The following INPP5D variants were observed in gnomAD, a reference collection of about 807,000 sequenced individuals.
INPP5D encodes the protein phosphatidylinositol 3,4,5-trisphosphate 5-phosphatase 1.
A neutral mutation model predicts 122.9 loss-of-function variants in INPP5D; 33 were observed. That is an observed-to-expected ratio of 0.27 (90% CI 0.20 to 0.36). INPP5D has a LOEUF of 0.36. Ranked by LOEUF, INPP5D falls within the 10% of genes least tolerant of loss-of-function variation. INPP5D has a pLI of 1.00. For missense variants in INPP5D, 1,053 were observed against 1,412.7 expected (o/e 0.75, Z 4.08); for synonymous variants, 584 against 576.2 (o/e 1.01, Z -0.19).
At chr2:233,150,214 G>A (rs528709872) in intron 9 of INPP5D, among the ~76,000 whole-genome samples, 13 of 152,302 alleles carry the variant, frequency 8.5e-5, no homozygotes, top group East Asian at 3.9e-4. Context: ...GGGAAGGACC[G>A]GGTGGGGAGG....
rs547743929 is a variant in INPP5D, at chr2:233,202,083, G to A, written c.2976-2043G>A. On this transcript the variant is annotated intron_variant, in intron 25 of 26. Coordinates refer to ENST00000445964, the MANE Select transcript of INPP5D (RefSeq NM_001017915.3). ...CTATCTCACTGCTCTTTTCCCAGAGGAGTGAGCTTTAGAATCACAAAAGGG... is the reference window on the plus strand; with the variant it reads ...CTATCTCACTGCTCTTTTCCCAGAGAAGTGAGCTTTAGAATCACAAAAGGG... Among the ~76,000 whole-genome samples the A allele has an allele frequency of 2.0e-5, 3 of 152,096 alleles. No individual in the cohort carries two copies. In the East Asian group the frequency reaches 5.8e-4, roughly 30 times the overall value.
chr2:233,066,271 A>T (rs1691224030), intron 1 of INPP5D, among the ~76,000 whole-genome samples: 1 of 152,180 alleles, frequency 6.6e-6, no homozygotes, highest in Non-Finnish European at 1.5e-5. Context: ...AGCACCTCTC[A>T]ATCAATTGGT....
At chr2:233,158,003 AGAG>A (rs1694100528) in intron 9 of INPP5D, among the ~76,000 whole-genome samples, 2 of 152,138 alleles carry the variant, frequency 1.3e-5, no homozygotes, top group Non-Finnish European at 2.9e-5. Context: ...GGGAGGGAGA[AGAG>A]GAGGAAGAAG....
intron 20 of INPP5D, 98 bp from the exon 21 acceptor site, chr2:233,185,745 G>A (rs1694895941): frequency 8.9e-6 from 9 of 1,009,314 alleles, no homozygotes; most frequent in African/African-American, 1.7e-5. Flanking sequence ...AAAGGAGAGA[G>A]CACATCTTCC....
At chr2:233,194,936 G>T (rs1024661356) in intron 23 of INPP5D, among the ~76,000 whole-genome samples, 3 of 151,752 alleles carry the variant, frequency 2.0e-5, no homozygotes, top group African/African-American at 7.3e-5. Flanking sequence ...CGAGTAGCTG[G>T]GATTACAGGT....
chr2:233,195,331 T>C, intron 23 of INPP5D, 68 bp from the exon 24 acceptor site: 1 of 1,610,358 alleles, frequency 6.2e-7, no homozygotes, highest in Non-Finnish European at 8.5e-7. Context: ...GGAAACCCCT[T>C]TGCCATCCCT....
At chr2:233,139,263 G>C (rs1239325875) in intron 5 of INPP5D, among the ~76,000 whole-genome samples, 1 of 152,148 alleles carries the variant, frequency 6.6e-6, no homozygotes, top group East Asian at 1.9e-4. Flanking sequence ...AAGATGAGCT[G>C]GGAACAAAGA....
At position 233,146,157 on chromosome 2, in the gene INPP5D, C is replaced by G. The variant is rs1191700333; in HGVS notation, c.754-5C>G. The G allele has an allele frequency of 1.4e-6, 1 of 704,180 alleles. No homozygotes were observed. Among genetic ancestry groups the G allele is most frequent in the Non-Finnish European group, 2.6e-6 (1 of 384,990 alleles). 43.6% of individuals were successfully genotyped at this position (704,180 alleles called of 1,614,324 possible). On this transcript the variant is annotated splice_polypyrimidine_tract_variant and splice_region_variant and intron_variant, in intron 6 of 26. Coordinates refer to ENST00000445964, the MANE Select transcript of INPP5D (RefSeq NM_001017915.3). ...TGCCCTGATCCTCTTTCCCTCCTCT[C>G]CCAGGTTCCTGGTGAGGCCAATCCC... is the stretch of plus-strand genomic sequence containing the variant.
At chr2:233,131,629 G>T (rs1290432127) in intron 5 of INPP5D, among the ~76,000 whole-genome samples, 3 of 152,158 alleles carry the variant, frequency 2.0e-5, no homozygotes, top group Non-Finnish European at 4.4e-5. Context: ...GAACCTGGGA[G>T]GCTGAGGTTG....
chr2:233,075,599 ATGTG>A (rs150497378), intron 1 of INPP5D, among the ~76,000 whole-genome samples: 10 of 150,956 alleles, frequency 6.6e-5, no homozygotes, highest in South Asian at 2.1e-4. Context: ...GCACATGTAT[ATGTG>A]TGTGTGTGTG....
At chr2:233,187,303 G>C (rs755404699) in intron 21 of INPP5D, among the ~76,000 whole-genome samples, 1 of 152,192 alleles carries the variant, frequency 6.6e-6, no homozygotes, top group Non-Finnish European at 1.5e-5. Flanking sequence ...CATGCTGGGT[G>C]GGAAGTGGAG....
At chr2:233,175,147 G>A (rs1318366898) in intron 17 of INPP5D, among the ~76,000 whole-genome samples, 1 of 149,832 alleles carries the variant, frequency 6.7e-6, no homozygotes, top group Middle Eastern at 3.2e-3. Flanking sequence ...GAACCTGGGA[G>A]GTGGAGATGG....
chr2:233,191,719 T>A (rs908343459), intron 22 of INPP5D, among the ~76,000 whole-genome samples: 1 of 152,070 alleles, frequency 6.6e-6, no homozygotes, highest in Non-Finnish European at 1.5e-5. Context: ...TGGGGTGACA[T>A]CAGACCTCAG....
In INPP5D at chr2:233,169,268, T is replaced by G. The variant is rs1401506118; in HGVS notation, c.1556-37T>G. On this transcript the variant is annotated intron_variant, in intron 13 of 26. Coordinates refer to ENST00000445964, the MANE Select transcript of INPP5D (RefSeq NM_001017915.3). Reference sequence around the variant, plus strand: ...CTGGCCCCTTGGCAAGTGTGTCTGTTTGATATTTTGATTCTTCTTTCTGCT... The same window carrying G: ...CTGGCCCCTTGGCAAGTGTGTCTGTGTGATATTTTGATTCTTCTTTCTGCT... 2.6e-6 allele frequency: 4 copies of G among 1,563,708 alleles called. No individual in the cohort carries two copies. In the South Asian group the frequency reaches 3.5e-5, roughly 14 times the overall value.
rs529680647 is a variant in INPP5D, at chr2:233,170,674, C to A, written c.1900+70C>A. 4 of 1,569,842 alleles carry A rather than the reference C, an allele frequency of 2.5e-6. No individual in the cohort carries two copies. The highest frequency in any genetic ancestry group is 1.7e-5 in the Admixed American group (1 of 57,416). On this transcript the variant is annotated intron_variant, in intron 16 of 26. Transcript: ENST00000445964. The surrounding 1 kb of genome is among the most constrained non-coding windows in gnomAD (Gnocchi z 4.5). ...ATCCCAGCACTTTAGGAGGCCGAGG[C>A]GGGCGGATCACGAGATCAGGAGATG...
At chr2:233,085,426 A>C (rs1267639404) in intron 2 of INPP5D, among the ~76,000 whole-genome samples, 1 of 151,468 alleles carries the variant, frequency 6.6e-6, no homozygotes, top group Non-Finnish European at 1.5e-5. Flanking sequence ...AATAGTTCCG[A>C]GTACAAAATC....
At position 233,138,179 on chromosome 2, in the gene INPP5D, G is replaced by A. The variant is rs572181288; in HGVS notation, c.666-1663G>A. On this transcript the variant is annotated intron_variant, in intron 5 of 26. Coordinates refer to ENST00000445964, the MANE Select transcript of INPP5D (RefSeq NM_001017915.3). ...CCAGCCTGCAACATGGCGAAGCCCC[G>A]TCTCTACTAAAAATACAAAAATTAG... 3.3e-5 allele frequency among the ~76,000 whole-genome samples: 5 copies of A among 150,144 alleles called. No individual in the cohort carries two copies. In the South Asian group the frequency reaches 8.4e-4, roughly 25 times the overall value.
chr2:233,111,583 A>C (rs539701297), intron 2 of INPP5D, among the ~76,000 whole-genome samples: 1 of 152,316 alleles, frequency 6.6e-6, no homozygotes, highest in Admixed American at 6.5e-5. Flanking sequence ...TCTCCACATG[A>C]CATGGCCCGG....
At chr2:233,070,878 A>G (rs185775622) in intron 1 of INPP5D, among the ~76,000 whole-genome samples, 2 of 152,228 alleles carry the variant, frequency 1.3e-5, no homozygotes, top group African/African-American at 4.8e-5. Flanking sequence ...GTACTTGGTA[A>G]AAACAAATGA....
Sources: allele counts gnomAD v4.1 joint callset (sites outside exome capture counted in the v4.1 genomes callset), GRCh38; gene constraint gnomAD v4.1.1; non-coding constraint Gnocchi (gnomAD v3.1); transcripts MANE v1.5; gene names NCBI Gene and HGNC (gene_info 2026-07-23, HGNC 2026-07-21).